Variants in FASLG observed in about 807,000 individuals in gnomAD.
The protein encoded by FASLG is tumor necrosis factor ligand superfamily member 6.
In FASLG, 9 loss-of-function variants were observed where a neutral mutation model predicts 24.6. The ratio of observed to expected loss-of-function variants is 0.37; its 90% CI spans 0.22 to 0.64. The LOEUF is 0.64. Among genes scored for constraint, FASLG ranks in the 30% least tolerant of loss-of-function variants. The probability of loss-of-function intolerance (pLI) is 0.64; values close to 1 mark genes in which losing one functional copy is unlikely to be tolerated. For synonymous variants in FASLG, 130 were observed against 135.5 expected, an observed-to-expected ratio of 0.96 and a Z score of 0.28; for missense variants, 306 against 345.3, an observed-to-expected ratio of 0.89 and a Z score of 0.90.
intron 2 of FASLG, 130 bp downstream of exon 2, chr1:172,660,270 T>G: frequency 1.1e-6 from 1 of 881,704 alleles, no homozygotes. Context: ...TCTGGCTAAT[T>G]CAGAATCTCT....
intron 2 of FASLG, among the ~76,000 whole-genome samples, chr1:172,661,784 TGACA>T (rs988710857): frequency 1.3e-5 from 2 of 152,012 alleles, no homozygotes; most frequent in Non-Finnish European, 2.9e-5. Flanking sequence ...AAACCCAGAC[TGACA>T]AAGATTTGAG....
In FASLG at chr1:172,660,154, C is replaced by T. The variant is rs371078346; in HGVS notation, c.394+14C>T. ...AGAAGCAAATAGGTGAGTCTTTTTT[C>T]GCATGTACATTGAGTTCCCAAAGAT... On this transcript the variant is annotated intron_variant, in intron 2 of 3. Transcript: ENST00000367721. 4.3e-5 allele frequency: 70 copies of T among 1,613,100 alleles called. No individual in the cohort carries two copies. Among genetic ancestry groups the T allele is most frequent in the Admixed American group, 2.3e-4 (14 of 60,006 alleles).
At position 172,659,544 on chromosome 1, in the gene FASLG, C is replaced by G. The variant is rs773045347; in HGVS notation, c.343C>G (p.Arg115Gly). ...CCTACAGAAGGAGCTGGCAGAACTC[C>G]GAGAGGTAAGCCTGCCGGCAGACTG... ...FHLQKELAEL[R>G]ESTSQMHTAS... Residue 115 changes from arginine to glycine, a missense_variant, in exon 1 of 4, where the codon CGA (arginine) becomes GGA (glycine). Transcript: ENST00000367721. 1 of 1,613,482 alleles carries G rather than the reference C, an allele frequency of 6.2e-7. No homozygotes were observed. The highest frequency in any genetic ancestry group is 8.5e-7 in the Non-Finnish European group (1 of 1,179,922).
intron 2 of FASLG, among the ~76,000 whole-genome samples, chr1:172,660,524 G>A (rs1659115743): frequency 6.6e-6 from 1 of 152,196 alleles, no homozygotes; most frequent in South Asian, 2.1e-4. Context: ...GCGAAATGAA[G>A]GCAGAGACAG....
chr1:172,663,597 G>A (rs779617840), intron 2 of FASLG, among the ~76,000 whole-genome samples: 1 of 152,176 alleles, frequency 6.6e-6, no homozygotes. Flanking sequence ...CAGAACTCCC[G>A]TTGTGTGGCA....
chr1:172,664,537 G>A (rs1270987137), intron 3 of FASLG, 147 bp downstream of exon 3: 20 of 805,778 alleles, frequency 2.5e-5, no homozygotes, highest in Non-Finnish European at 3.8e-5. Flanking sequence ...TTTTCTTGTC[G>A]AGTCAGTCTT....
Position 172,659,302 on chromosome 1 carries a change from C to A in FASLG, c.101C>A (p.Thr34Asn). The change falls in exon 1 of 4, where the codon ACC becomes AAC. Residue 34 changes from threonine to asparagine, a missense_variant. Thr to Asn is a moderately conservative substitution (Grantham distance 65). Transcript: ENST00000367721. The part of the protein sequence containing the change: ...APPGTVLPCP[T>N]SVPRRPGQRR... ...CCAGGCACAGTTCTTCCCTGTCCAA[C>A]CTCTGTGCCCAGAAGGCCTGGTCAA... is the stretch of plus-strand genomic sequence containing the variant. The A allele has an allele frequency of 6.2e-7, 1 of 1,614,168 alleles. No homozygotes were observed. The highest frequency in any genetic ancestry group is 8.5e-7 in the Non-Finnish European group (1 of 1,180,026).
chr1:172,662,286 T>C (rs976605745), intron 2 of FASLG, among the ~76,000 whole-genome samples: 1 of 129,528 alleles, frequency 7.7e-6, no homozygotes, highest in Non-Finnish European at 1.6e-5. Context: ...TAACAGTGAT[T>C]TTCTCTGGGA....
chr1:172,664,401 G>A lies in FASLG; in HGVS notation c.451+11G>A, dbSNP rs773493329. On this transcript the variant is annotated intron_variant, in intron 3 of 3. Transcript: ENST00000367721. ...TGGCCCATTTAACAGGTCTGTATCTGGAAGGTACAGGTGAGATTTGGGAAA... is the reference window on the plus strand; with the variant it reads ...TGGCCCATTTAACAGGTCTGTATCTAGAAGGTACAGGTGAGATTTGGGAAA... 7.1e-5 allele frequency: 114 copies of A among 1,613,622 alleles called. No homozygotes were observed. Among genetic ancestry groups the A allele is most frequent in the Non-Finnish European group, 9.7e-5 (114 of 1,179,680 alleles).
chr1:172,662,511 T>C (rs1269115321), intron 2 of FASLG, among the ~76,000 whole-genome samples: 2 of 152,142 alleles, frequency 1.3e-5, no homozygotes, highest in Non-Finnish European at 2.9e-5. Context: ...AAACAGACCA[T>C]GCAATTCCAA....
In FASLG at chr1:172,665,542, C is replaced by A; in HGVS notation, c.452-80C>A. 3.3e-6 allele frequency: 5 copies of A among 1,520,220 alleles called. 1 individual carries two copies. In the South Asian group the frequency reaches 5.6e-5, roughly 17 times the overall value. 94.2% of individuals were successfully genotyped at this position (1,520,220 alleles called of 1,614,324 possible). A position where few individuals can be genotyped will look rare whatever the true frequency, so the allele number is the denominator to read the frequency against. ...GGTGAAACATTTGTTGAAGGAAGGG[C>A]CCACAGTTTTGCCTTAGAAACTTAG... On this transcript the variant is annotated intron_variant, in intron 3 of 3. Coordinates refer to ENST00000367721, the MANE Select transcript of FASLG (RefSeq NM_000639.3).
Position 172,666,148 on chromosome 1 carries a change from A to T in FASLG, c.*132A>T. 1 of 1,061,770 alleles carries T rather than the reference A, an allele frequency of 9.4e-7. No individual in the cohort carries two copies. The highest frequency in any genetic ancestry group is 1.4e-6 in the Non-Finnish European group (1 of 721,310). The allele number at this position is 1,061,770 out of a possible 1,614,324, so 65.8% of individuals were successfully genotyped here. ...CATGAACCAAGTGGACCTTGAGACC[A>T]CAGGGTTCAAAATGTCTGTAGCTCC... is the stretch of plus-strand genomic sequence containing the variant. On this transcript the variant is annotated 3_prime_UTR_variant, in exon 4 of 4. Coordinates refer to ENST00000367721, the MANE Select transcript of FASLG (RefSeq NM_000639.3).
At chr1:172,659,588 A>G (rs1659094564) in intron 1 of FASLG, 39 bp downstream of exon 1, 7 of 1,608,318 alleles carry the variant, frequency 4.4e-6, no homozygotes, top group Non-Finnish European at 5.9e-6. Context: ...TGGAGGCACC[A>G]GGCATAAGGG....
chr1:172,659,149 G>A lies in FASLG; in HGVS notation c.-53G>A. 6.2e-7 allele frequency: 1 copy of A among 1,612,758 alleles called. No individual in the cohort carries two copies. The highest frequency in any genetic ancestry group is 8.5e-7 in the Non-Finnish European group (1 of 1,179,496). On this transcript the variant is annotated 5_prime_UTR_variant, in exon 1 of 4. Transcript: ENST00000367721. ...GTCCTTGACACCTCAGCCTCTACAG[G>A]ACTGAGAAGAAGTAAAACCGTTTGC...
At chr1:172,659,679 T>C (rs914779115) in intron 1 of FASLG, 130 bp downstream of exon 1, 165 of 1,369,280 alleles carry the variant, frequency 1.2e-4, no homozygotes, top group Admixed American at 5.6e-5. Flanking sequence ...GTTCTAGTTA[T>C]TCTATTCTAT....
intron 1 of FASLG, 139 bp downstream of exon 1, chr1:172,659,688 A>G: frequency 7.5e-7 from 1 of 1,335,284 alleles, no homozygotes; most frequent in Admixed American, 2.9e-5. Context: ...ATTCTATTCT[A>G]TAGACAGAGA....
At chr1:172,663,537 T>A (rs1272560221) in intron 2 of FASLG, among the ~76,000 whole-genome samples, 1 of 152,004 alleles carries the variant, frequency 6.6e-6, no homozygotes, top group African/African-American at 2.4e-5. Flanking sequence ...GCAGAAGACA[T>A]GGCATGAACA....
chr1:172,661,642 A>T (rs1659144239), intron 2 of FASLG, among the ~76,000 whole-genome samples: 1 of 152,228 alleles, frequency 6.6e-6, no homozygotes, highest in South Asian at 2.1e-4. Context: ...TGTTCTCTAG[A>T]TCAACCCAAA....
intron 2 of FASLG, among the ~76,000 whole-genome samples, chr1:172,661,531 G>T (rs115948472): frequency 6.6e-6 from 1 of 152,092 alleles, no homozygotes; most frequent in Non-Finnish European, 1.5e-5. Flanking sequence ...GGTCTGATAG[G>T]TATCTAATTA....
Sources: allele counts gnomAD v4.1 joint callset (sites outside exome capture counted in the v4.1 genomes callset), GRCh38; gene constraint gnomAD v4.1.1; transcripts MANE v1.5; gene names NCBI Gene and HGNC (gene_info 2026-07-23, HGNC 2026-07-21).